Variants in LRRC75B observed in about 807,000 individuals in gnomAD.
LRRC75B encodes the protein leucine-rich repeat-containing protein 75B.
A neutral mutation model predicts 16.5 loss-of-function variants in LRRC75B; 20 were observed. The ratio of observed to expected loss-of-function variants is 1.21; its 90% CI spans 0.85 to 1.76. The LOEUF is 1.76. Ranked by LOEUF, LRRC75B falls within the 40% of genes most tolerant of loss-of-function variation. The pLI is 0.00. For missense variants in LRRC75B, 406 were observed against 417.0 expected, an observed-to-expected ratio of 0.97 and a Z score of 0.23; for synonymous variants, 199 against 198.1, an observed-to-expected ratio of 1.00 and a Z score of -0.04.
intron 1 of LRRC75B, 21 bp downstream of exon 1, chr22:24,592,842 G>A: frequency 2.3e-6 from 3 of 1,277,586 alleles, no homozygotes; most frequent in South Asian, 4.7e-5. Context: ...CAGCCCAGGG[G>A]CGGACGGCTC....
rs200284399 is a variant in LRRC75B, at chr22:24,586,050, C to T, written c.784G>A (p.Gly262Ser). ...VASLPQPLLV[G>S]LRRRLSQRTS... ...CGCTGGCTCAGCCGCCGGCGCAGGC[C>T]GACCAGCAGGGGCTGGGGCAGGGAA... Residue 262 changes from glycine (G) to serine (S), a missense_variant, in exon 4 of 4, where the codon GGC becomes AGC. Coordinates refer to ENST00000318753, the MANE Select transcript of LRRC75B (RefSeq NM_207644.3). 196 of 1,611,676 alleles carry T rather than the reference C, an allele frequency of 1.2e-4. No homozygotes were observed. The highest frequency in any genetic ancestry group is 1.2e-3 in the African/African-American group (90 of 75,052).
At chr22:24,588,931 G>A (rs578045421) in intron 2 of LRRC75B, 50 of 1,003,520 alleles carry the variant, frequency 5.0e-5, no homozygotes, top group Middle Eastern at 1.0e-3. Flanking sequence ...TCCGAGGTGC[G>A]CGGCCCACAA....
At chr22:24,588,698 A>G in intron 2 of LRRC75B, 1 of 1,089,794 alleles carries the variant, frequency 9.2e-7, no homozygotes, top group Non-Finnish European at 1.1e-6. Context: ...AGGAGGCCAG[A>G]CCAGGCCCCT....
chr22:24,591,493 G>A (rs1229067830), intron 1 of LRRC75B, among the ~76,000 whole-genome samples: 1 of 152,162 alleles, frequency 6.6e-6, no homozygotes, highest in South Asian at 2.1e-4. Flanking sequence ...TCTGTGCGTG[G>A]GTCCCAAGCA....
At chr22:24,592,684 G>T in intron 1 of LRRC75B, 179 bp downstream of exon 1, 1 of 1,159,020 alleles carries the variant, frequency 8.6e-7, no homozygotes, top group Non-Finnish European at 1.1e-6. Context: ...GCCCACGCAA[G>T]ACCCCGCGTG....
At chr22:24,592,557 C>A (rs2045602582) in intron 1 of LRRC75B, 12 of 450,642 alleles carry the variant, frequency 2.7e-5, no homozygotes, top group South Asian at 2.1e-4. Context: ...GCTACCGGGC[C>A]ACCCTCAACA....
At chr22:24,589,082 G>A (rs2147160213) in intron 2 of LRRC75B, 9 of 1,068,592 alleles carry the variant, frequency 8.4e-6, no homozygotes, top group Admixed American at 1.1e-4. Context: ...CCTAGGGGCC[G>A]ACTGTGCAGA....
chr22:24,587,186 C>T (rs558236963), intron 3 of LRRC75B, among the ~76,000 whole-genome samples: 12 of 152,224 alleles, frequency 7.9e-5, no homozygotes, highest in Admixed American at 1.3e-4. Flanking sequence ...TACAAAGGGA[C>T]GGCTATTAGG....
intron 1 of LRRC75B, 72 bp downstream of exon 1, chr22:24,592,791 C>T (rs1337330164): frequency 5.5e-6 from 7 of 1,265,072 alleles, no homozygotes; most frequent in Non-Finnish European, 7.0e-6. Context: ...CATAGCCCCG[C>T]GCCTCCCAGA....
chr22:24,588,642 G>C (rs2045474783), intron 2 of LRRC75B: 2 of 1,126,734 alleles, frequency 1.8e-6, no homozygotes, highest in Non-Finnish European at 2.2e-6. Flanking sequence ...CTATCAGCCG[G>C]CTGCCTGCCC....
intron 2 of LRRC75B, chr22:24,589,273 G>A: frequency 8.0e-7 from 1 of 1,255,448 alleles, no homozygotes; most frequent in African/African-American, 1.6e-5. Context: ...CAGCTGTGGG[G>A]TGGAGGCTGC....
chr22:24,589,377 C>CT, intron 2 of LRRC75B: 1 of 1,125,100 alleles, frequency 8.9e-7, no homozygotes, highest in Non-Finnish European at 1.1e-6. Context: ...GCAAGGGTGT[C>CT]TGTACAGGAT....
At position 24,589,492 on chromosome 22, in the gene LRRC75B, T is replaced by C. The variant is rs1431613435; in HGVS notation, c.306+329A>G. 3 of 580,440 alleles carry C rather than the reference T, an allele frequency of 5.2e-6. No homozygotes were observed. The East Asian group carries it at 2.8e-4, about 54-fold the overall frequency. The allele number at this position is 580,440 out of a possible 1,614,324, so 36.0% of individuals were successfully genotyped here. A position where few individuals can be genotyped will look rare whatever the true frequency, so the allele number is the denominator to read the frequency against. The stretch of plus-strand genomic sequence containing the variant: ...TCCGTTGGTGGATTTCTCAGAACAG[T>C]CTGTGACCCGCAGGGTCCCCATATG... On this transcript the variant is annotated intron_variant, in intron 2 of 3. Coordinates refer to ENST00000318753, the MANE Select transcript of LRRC75B (RefSeq NM_207644.3).
At chr22:24,588,869 G>GCT in intron 2 of LRRC75B, 1 of 1,007,454 alleles carries the variant, frequency 9.9e-7, no homozygotes, top group Non-Finnish European at 1.2e-6. Flanking sequence ...CCACCACCTG[G>GCT]CTCTCTCTCA....
At position 24,586,280 on chromosome 22, in the gene LRRC75B, A is replaced by G. The variant is rs769285417; in HGVS notation, c.554T>C (p.Leu185Pro). ...LSSHGAVLAVLDLSFTGLSDE... is the reference protein window; with the variant it reads ...LSSHGAVLAVPDLSFTGLSDE... The stretch of plus-strand genomic sequence containing the variant: ...ACTCAGCCCCGTGAAGCTCAGGTCC[A>G]GCACCGCCAGCACAGCACCATGGCT... The change falls in exon 4 of 4, where the codon CTG becomes CCG. Residue 185 changes from leucine (L) to proline (P), a missense_variant. Physicochemically the swap from Leu to Pro is moderately conservative, Grantham distance 98. Transcript: ENST00000318753. The G allele has an allele frequency of 5.0e-6, 8 of 1,613,908 alleles. No homozygotes were observed. Among genetic ancestry groups the G allele is most frequent in the Non-Finnish European group, 6.8e-6 (8 of 1,180,044 alleles).
chr22:24,589,779 C>A (rs1362587441), intron 2 of LRRC75B, 42 bp downstream of exon 2: 1 of 1,575,056 alleles, frequency 6.3e-7, no homozygotes, highest in South Asian at 1.2e-5. Flanking sequence ...CCCCCCTGTC[C>A]ACCACAGTGC....
chr22:24,585,857 C>A lies in LRRC75B; in HGVS notation c.*29G>T. The A allele has an allele frequency of 6.5e-7, 1 of 1,536,852 alleles. No homozygotes were observed. The highest frequency in any genetic ancestry group is 1.2e-5 in the South Asian group (1 of 83,524). On this transcript the variant is annotated 3_prime_UTR_variant, in exon 4 of 4. Transcript: ENST00000318753. ...TCATGTGCTTGAGAGCATCACAAGT[C>A]AGTAGCAATGAGCCAGGTGGGTGGT...
At chr22:24,588,549 C>G in intron 2 of LRRC75B, 1 of 779,474 alleles carries the variant, frequency 1.3e-6, no homozygotes, top group South Asian at 1.9e-5. Flanking sequence ...ACAGGCTGGT[C>G]CAGTCCCGCA....
At chr22:24,589,014 C>T (rs1249689799) in intron 2 of LRRC75B, 1 of 1,021,686 alleles carries the variant, frequency 9.8e-7, no homozygotes, top group Non-Finnish European at 1.2e-6. Flanking sequence ...GCAGGCAGCA[C>T]ACACAGCAGC....
Sources: gnomAD v4.1 joint callset for allele counts (sites outside exome capture counted in the v4.1 genomes callset) on GRCh38, gnomAD v4.1.1 for gene constraint, MANE v1.5 for transcripts, NCBI Gene and HGNC (gene_info 2026-07-23, HGNC 2026-07-21) for gene names.